DSCAML1: variants seen among roughly 807,000 people sequenced by gnomAD.
The protein encoded by DSCAML1 is DS cell adhesion molecule like 1.
In DSCAML1, 38 loss-of-function variants were observed where a neutral mutation model predicts 200.5. That is an observed-to-expected ratio of 0.19 (90% confidence interval 0.15 to 0.25). DSCAML1 has a LOEUF of 0.25. DSCAML1 is among the 10% of genes least tolerant of loss of function. The pLI, the probability that DSCAML1 is intolerant of heterozygous loss-of-function variation, is 1.00. For synonymous variants in DSCAML1, 1,215 were observed against 1,165.0 expected (o/e 1.04, Z -0.87); for missense variants, 2,223 against 2,858.8 (o/e 0.78, Z 5.07).
chr11:117,438,643 G>GA (rs2047974032), intron 24 of DSCAML1, among the ~76,000 whole-genome samples: 1 of 152,182 alleles, frequency 6.6e-6, no homozygotes, highest in Non-Finnish European at 1.5e-5. Flanking sequence ...CTCAGAGAGG[G>GA]AAACAGCCTA....
chr11:117,543,314 C>T (rs533721436), intron 3 of DSCAML1, among the ~76,000 whole-genome samples: 134 of 152,198 alleles, frequency 8.8e-4, no homozygotes, highest in African/African-American at 3.1e-3. Context: ...TGTGTACCTG[C>T]ACTGGCTTGT....
chr11:117,729,609 A>T (rs1379769147), intron 3 of DSCAML1, among the ~76,000 whole-genome samples: 1 of 152,248 alleles, frequency 6.6e-6, no homozygotes, highest in African/African-American at 2.4e-5. Flanking sequence ...AATGAAAATT[A>T]TGTCTTTATA....
chr11:117,744,352 C>T (rs968311414), intron 3 of DSCAML1, among the ~76,000 whole-genome samples: 3 of 152,218 alleles, frequency 2.0e-5, no homozygotes, highest in Admixed American at 1.3e-4. Flanking sequence ...AGTGCCTCCA[C>T]GACACTTGTT....
chr11:117,536,460 A>T (rs1234539252), intron 3 of DSCAML1, among the ~76,000 whole-genome samples: 1 of 152,220 alleles, frequency 6.6e-6, no homozygotes, highest in Non-Finnish European at 1.5e-5. Context: ...CGGGAGAAGG[A>T]AAAAATGGCA....
intron 3 of DSCAML1, among the ~76,000 whole-genome samples, chr11:117,610,839 A>AAC (rs2051674359): frequency 1.0e-4 from 6 of 57,148 alleles, no homozygotes; most frequent in African/African-American, 3.0e-4. Context: ...AAACCAAAAC[A>AAC]ACCCCCCCCC....
At chr11:117,440,670 G>A (rs954274651) in intron 21 of DSCAML1, among the ~76,000 whole-genome samples, 5 of 152,184 alleles carry the variant, frequency 3.3e-5, no homozygotes, top group African/African-American at 7.2e-5. Context: ...CCAGCACTTT[G>A]GGAGGCTGTG....
intron 3 of DSCAML1, among the ~76,000 whole-genome samples, chr11:117,765,986 C>T (rs924790227): frequency 1.3e-5 from 2 of 152,186 alleles, no homozygotes; most frequent in South Asian, 2.1e-4. Flanking sequence ...CAGGTACAAC[C>T]GCACCTGCCC....
At chr11:117,672,287 C>T (rs2137673085) in intron 3 of DSCAML1, among the ~76,000 whole-genome samples, 1 of 152,110 alleles carries the variant, frequency 6.6e-6, no homozygotes, top group South Asian at 2.1e-4. Flanking sequence ...AACAGAGGGG[C>T]AGGCAGTCCC....
intron 3 of DSCAML1, among the ~76,000 whole-genome samples, chr11:117,750,443 G>A (rs983065478): frequency 1.3e-5 from 2 of 152,186 alleles, no homozygotes; most frequent in African/African-American, 2.4e-5. Context: ...CAAGGGACCT[G>A]GAGAACCCAT....
intron 3 of DSCAML1, among the ~76,000 whole-genome samples, chr11:117,675,662 C>T (rs753209288): frequency 1.1e-4 from 16 of 151,746 alleles, no homozygotes; most frequent in South Asian, 1.0e-3. Context: ...AAGACAGGCC[C>T]GGCTGCGTGG....
intron 8 of DSCAML1, among the ~76,000 whole-genome samples, chr11:117,515,585 T>TGTC (rs2049744443): frequency 7.0e-6 from 1 of 143,210 alleles, no homozygotes; most frequent in South Asian, 2.2e-4. Flanking sequence ...CCCAGGTGGA[T>TGTC]GTCAAGGGCC....
At chr11:117,438,556 C>G (rs929807891) in intron 24 of DSCAML1, among the ~76,000 whole-genome samples, 3 of 150,460 alleles carry the variant, frequency 2.0e-5, no homozygotes, top group African/African-American at 7.4e-5. Context: ...CCCTTGGTGA[C>G]GCAGACGCAC....
At chr11:117,530,314 AT>A (rs2050052409) in intron 4 of DSCAML1, among the ~76,000 whole-genome samples, 2 of 152,126 alleles carry the variant, frequency 1.3e-5, no homozygotes, top group Admixed American at 6.5e-5. Flanking sequence ...GGGGCCAAAT[AT>A]TCACGGAGGA....
chr11:117,458,780 A>G lies in DSCAML1; in HGVS notation c.3542T>C (p.Val1181Ala). 2 of 1,613,694 alleles carry G rather than the reference A, an allele frequency of 1.2e-6. No homozygotes were observed. Residue 1181 changes from valine to alanine, a missense_variant, in exon 19 of 33, where the codon GTG becomes GCG. By Grantham distance (64) the Val-to-Ala change is moderately conservative (BLOSUM62 0). Transcript: ENST00000651296. ...TQAGDGVRSS[V>A]LYIQTKEDVP... is the part of the protein sequence containing the mutation. Reference sequence around the variant, plus strand: ...GTCCTCCTTGGTCTGGATGTAGAGCACACTGCTGCGTACGCCGTCCCCAGC... The same window carrying G: ...GTCCTCCTTGGTCTGGATGTAGAGCGCACTGCTGCGTACGCCGTCCCCAGC...
At chr11:117,485,709 T>C (rs1038112512) in intron 11 of DSCAML1, among the ~76,000 whole-genome samples, 2 of 152,222 alleles carry the variant, frequency 1.3e-5, no homozygotes, top group Non-Finnish European at 2.9e-5. Flanking sequence ...ACGTGCAACA[T>C]AGATTATTGC....
In DSCAML1 at chr11:117,577,483, T is replaced by C. The variant is rs866098718; in HGVS notation, c.512-44961A>G. On this transcript the variant is annotated intron_variant, in intron 3 of 32. Coordinates refer to ENST00000651296, the MANE Select transcript of DSCAML1 (RefSeq NM_020693.4). ...TTTCCTTCCTTCCTTCCTTCCTTCC[T>C]TCCTTCCTTCCTTCCTTCCTTCCCT... Among the ~76,000 whole-genome samples the C allele has an allele frequency of 6.1e-4, 18 of 29,434 alleles. No homozygotes were observed. In the South Asian group the frequency reaches 0.012, roughly 19 times the overall value. The allele number at this position is 29,434 out of a possible 152,430, so 19.3% of individuals were successfully genotyped here. A position where few individuals can be genotyped will look rare whatever the true frequency, so the allele number is the denominator to read the frequency against.
Position 117,435,652 on chromosome 11 carries a change from C to T in DSCAML1, c.4868G>A (p.Arg1623Gln), listed in dbSNP as rs756425038. 5.0e-6 allele frequency: 8 copies of T among 1,594,990 alleles called. No homozygotes were observed. The highest frequency in any genetic ancestry group is 1.7e-5 in the Admixed American group (1 of 59,572). ...RKKRKEKRLK[R>Q]LRDAKSLAEM... ...ATAGGAAGCTCCCCCACCTCGGAGT[C>T]GCTTCAGCCGTTTCTCCTTCCTCTT... The change falls in exon 27 of 33, where the codon CGA becomes CAA. Residue 1623 changes from arginine (R) to glutamine (Q), a missense_variant. Physicochemically the swap from Arg to Gln is conservative, Grantham distance 43. Around this residue, in one of 7 missense-constraint regions of DSCAML1, gnomAD observed 614 missense variants for 739.1 expected, o/e 0.83. Transcript: ENST00000651296.
At chr11:117,524,710 C>T (rs946687372) in intron 5 of DSCAML1, 95 bp downstream of exon 5, 3 of 1,434,374 alleles carry the variant, frequency 2.1e-6, no homozygotes, top group East Asian at 5.2e-5. Flanking sequence ...AGGGCCTGGT[C>T]AGAGACAGGT....
At chr11:117,569,670 C>A (rs1006941791) in intron 3 of DSCAML1, among the ~76,000 whole-genome samples, 1 of 152,216 alleles carries the variant, frequency 6.6e-6, no homozygotes, top group Non-Finnish European at 1.5e-5. Flanking sequence ...GGCCACCTTT[C>A]CTCTTCCTGT....
Sources: gnomAD v4.1 joint callset for allele counts (sites outside exome capture counted in the v4.1 genomes callset) on GRCh38, gnomAD v4.1.1 for gene constraint, gnomAD v4.1.1 regional missense constraint, MANE v1.5 for transcripts, NCBI Gene and HGNC (gene_info 2026-07-23, HGNC 2026-07-21) for gene names.